The following THG1L variants were observed in gnomAD, a reference collection of about 807,000 sequenced individuals.
THG1L encodes tRNA-histidine guanylyltransferase 1 like.
A neutral mutation model predicts 35.2 loss-of-function variants in THG1L; 27 were observed. The observed-to-expected ratio is 0.77, with a 90% CI of 0.57 to 1.06. The LOEUF is 1.06. Among genes scored for constraint, THG1L ranks in the 50% least tolerant of loss-of-function variants. The pLI, the probability that THG1L is intolerant of heterozygous loss-of-function variation, is 0.00. For missense variants in THG1L, 377 were observed against 371.8 expected, an observed-to-expected ratio of 1.01 and a Z score of -0.12; for synonymous variants, 135 against 132.4, an observed-to-expected ratio of 1.02 and a Z score of -0.14.
chr5:157,732,116 C>G (rs374439462), intron 1 of THG1L, among the ~76,000 whole-genome samples: 1 of 148,170 alleles, frequency 6.7e-6, no homozygotes, highest in African/African-American at 2.5e-5. Context: ...AGGCTGGGCG[C>G]GGGAGGCAGG....
chr5:157,733,769 T>G (rs980232333), intron 2 of THG1L, among the ~76,000 whole-genome samples: 1 of 152,050 alleles, frequency 6.6e-6, no homozygotes, highest in Non-Finnish European at 1.5e-5. Context: ...CCCAGAGGTT[T>G]GAGACCAGCC....
intron 1 of THG1L, among the ~76,000 whole-genome samples, chr5:157,731,845 C>G (rs897504669): frequency 6.6e-6 from 1 of 152,190 alleles, no homozygotes; most frequent in Admixed American, 6.5e-5. Flanking sequence ...GCGATGTGCT[C>G]CCGTGATGAG....
Position 157,734,442 on chromosome 5 carries a change from A to G in THG1L, c.369-134A>G, listed in dbSNP as rs905190652. ...GTATTAAAATAGTGTTTCTTAGCCA[A>G]ATGCATTTTATCTCCTGGCTTTCTG... On this transcript the variant is annotated intron_variant, in intron 2 of 5. Transcript: ENST00000231198. 5.8e-6 allele frequency: 6 copies of G among 1,025,962 alleles called. No homozygotes were observed. The East Asian group carries it at 1.4e-4, about 25-fold the overall frequency. 63.6% of individuals were successfully genotyped at this position (1,025,962 alleles called of 1,614,324 possible).
At chr5:157,732,084 CAG>C (rs1323567450) in intron 1 of THG1L, among the ~76,000 whole-genome samples, 6 of 151,798 alleles carry the variant, frequency 4.0e-5, no homozygotes, top group East Asian at 3.9e-4. Flanking sequence ...CTAGATTCAA[CAG>C]AGAGTCAGAA....
rs372164394 is a variant in THG1L, at chr5:157,732,973, C to T, written c.297C>T (p.Ile99=). ...TVMEELEDIV[I]AYGQSDEYSF... is the part of the protein sequence containing the mutation. ...TGGAAGAACTAGAGGATATTGTGATCGCGTATGGACAGAGTGATGAGTACA... is the reference window on the plus strand; with the variant it reads ...TGGAAGAACTAGAGGATATTGTGATTGCGTATGGACAGAGTGATGAGTACA... The change falls in exon 2 of 6, where the codon ATC becomes ATT. Residue 99 remains isoleucine, a synonymous_variant. Coordinates refer to ENST00000231198, the MANE Select transcript of THG1L (RefSeq NM_017872.5). 86 of 1,614,034 alleles carry T rather than the reference C, an allele frequency of 5.3e-5. 2 individuals carry two copies. In the Middle Eastern group the frequency reaches 6.6e-4, roughly 12 times the overall value.
chr5:157,735,985 G>A, intron 4 of THG1L, 51 bp downstream of exon 4: 1 of 1,251,858 alleles, frequency 8.0e-7, no homozygotes, highest in Non-Finnish European at 1.1e-6. Context: ...TTCGCTGTAG[G>A]CTCTCCCATA....
At position 157,735,854 on chromosome 5, in the gene THG1L, A is replaced by G; in HGVS notation, c.547A>G (p.Asn183Asp). 3 of 1,599,496 alleles carry G rather than the reference A, an allele frequency of 1.9e-6. No homozygotes were observed. The highest frequency in any genetic ancestry group is 2.6e-6 in the Non-Finnish European group (3 of 1,173,266). ...LSWRQADCHI[N>D]NLYNTVFWAL... ...TTTTGTTCTCCTCACAGGTCACATC[A>G]ATAATCTTTATAATACAGTTTTCTG... Residue 183 changes from asparagine to aspartate, a missense_variant, in exon 4 of 6, where the codon AAT becomes GAT. Coordinates refer to ENST00000231198, the MANE Select transcript of THG1L (RefSeq NM_017872.5).
intron 1 of THG1L, 26 bp downstream of exon 1, chr5:157,731,657 G>C (rs1760722946): frequency 6.3e-7 from 1 of 1,575,200 alleles, no homozygotes; most frequent in Non-Finnish European, 8.6e-7. Context: ...TCGGGGCGTC[G>C]CGATGCGCCA....
intron 1 of THG1L, 21 bp downstream of exon 1, chr5:157,731,652 G>T (rs369355914): frequency 7.6e-5 from 120 of 1,576,466 alleles, no homozygotes; most frequent in Non-Finnish European, 1.0e-4. Context: ...TCGACTCGGG[G>T]CGTCGCGATG....
Position 157,736,251 on chromosome 5 carries a change from C to CTT in THG1L, c.627+332_627+333dup, listed in dbSNP as rs71577334. Reference sequence around the variant, plus strand: ...GTATGACTGCCGTCTTCAGCACTGACTTTTTTTTTTTTTTTTGAGACACAG... The same window carrying CTT: ...GTATGACTGCCGTCTTCAGCACTGACTTTTTTTTTTTTTTTTTTGAGACACAG... On this transcript the variant is annotated intron_variant, in intron 4 of 5. Coordinates refer to ENST00000231198, the MANE Select transcript of THG1L (RefSeq NM_017872.5). Among the ~76,000 whole-genome samples the CTT allele has an allele frequency of 2.2e-3, 318 of 141,418 alleles. 2 individuals are homozygous for CTT. Among genetic ancestry groups the CTT allele is most frequent in the African/African-American group, 6.8e-3 (260 of 38,462 alleles). The allele number at this position is 141,418 out of a possible 152,430, so 92.8% of individuals were successfully genotyped here.
rs1761039988 is a variant in THG1L at position 157,741,399 on chromosome 5, G to T, written c.*1917G>T. 6.6e-6 allele frequency: 1 copy of T among 152,044 alleles called. No homozygotes were observed. The highest frequency in any genetic ancestry group is 2.1e-4 in the South Asian group (1 of 4,832). The allele number at this position is 152,044 out of a possible 1,614,324, so 9.4% of individuals were successfully genotyped here. On this transcript the variant is annotated 3_prime_UTR_variant, in exon 6 of 6. Coordinates refer to ENST00000231198, the MANE Select transcript of THG1L (RefSeq NM_017872.5). ...AAAGAGGAGATACGGTTCTTGTTTG[G>T]TAATTGCTAAAATCTCTTTGAGGAA...
rs1171878546 is a variant in THG1L, at chr5:157,734,625, T to C, written c.418T>C (p.Tyr140His). ...CCAGTTTGCCTCCAGCTATGTGTTT[T>C]ATTGGCGGGATTACTTTGAGGACCA... is the stretch of plus-strand genomic sequence containing the variant. The part of the protein sequence containing the change: ...ASQFASSYVF[Y>H]WRDYFEDQPL... Residue 140 changes from tyrosine to histidine, a missense_variant, in exon 3 of 6, where the codon TAT becomes CAT. Transcript: ENST00000231198. The C allele has an allele frequency of 6.2e-7, 1 of 1,614,176 alleles. No individual in the cohort carries two copies. The highest frequency in any genetic ancestry group is 1.7e-5 in the Admixed American group (1 of 60,026).
In THG1L at chr5:157,735,997, C is replaced by CT. The variant is rs1018867963; in HGVS notation, c.627+72dup. 7.1e-4 allele frequency: 796 copies of CT among 1,117,368 alleles called. 1 individual carries two copies. Among genetic ancestry groups the CT allele is most frequent in the African/African-American group, 3.4e-3 (208 of 61,706 alleles). The allele number at this position is 1,117,368 out of a possible 1,614,324, so 69.2% of individuals were successfully genotyped here. ...CAGTTCGCTGTAGGCTCTCCCATAA[C>CT]TTTTTTTTTGTTAAATTTACATTTC... On this transcript the variant is annotated intron_variant, in intron 4 of 5. Transcript: ENST00000231198.
chr5:157,732,755 T>G, intron 1 of THG1L, 113 bp from the exon 2 acceptor site: 1 of 1,263,846 alleles, frequency 7.9e-7, no homozygotes, highest in Non-Finnish European at 1.1e-6. Context: ...AGCATTTGAG[T>G]TCACAGTGCT....
At chr5:157,739,226 T>C (rs1581443874) in intron 5 of THG1L, 95 bp from the exon 6 acceptor site, 1 of 1,204,904 alleles carries the variant, frequency 8.3e-7, no homozygotes. Flanking sequence ...GTCGGAAGTA[T>C]ATGAAGATAA....
intron 4 of THG1L, among the ~76,000 whole-genome samples, chr5:157,737,441 C>A (rs1194140946): frequency 6.6e-6 from 1 of 151,544 alleles, no homozygotes; most frequent in African/African-American, 2.4e-5. Flanking sequence ...TGAGATTGCA[C>A]CACTGCACTC....
chr5:157,736,502 G>A (rs1472314079), intron 4 of THG1L, among the ~76,000 whole-genome samples: 1 of 152,106 alleles, frequency 6.6e-6, no homozygotes, highest in Non-Finnish European at 1.5e-5. Context: ...TGCCTGCCTG[G>A]GCCTCCCAGA....
chr5:157,731,717 C>G (rs959920126), intron 1 of THG1L, 86 bp downstream of exon 1: 67 of 1,485,050 alleles, frequency 4.5e-5, no homozygotes, highest in African/African-American at 2.7e-4. Flanking sequence ...CCCGCCCGCT[C>G]CAGTCACGGT....
rs1275807339 is a variant in THG1L at position 157,734,689 on chromosome 5, TG to T, written c.484del (p.Val162CysfsTer8). 6.2e-7 allele frequency: 1 copy of T among 1,613,968 alleles called. No individual in the cohort carries two copies. The highest frequency in any genetic ancestry group is 8.5e-7 in the Non-Finnish European group (1 of 1,180,026). ...LYPPGFDGRV[V>X]VYPSNQTLKD... Reference sequence around the variant, plus strand: ...CCCCCAGGCTTTGACGGAAGAGTCGTGGTGTATCCCAGCAACCAGACTTTAA... The same window carrying T: ...CCCCCAGGCTTTGACGGAAGAGTCGTGTGTATCCCAGCAACCAGACTTTAA... On this transcript the variant is annotated frameshift_variant, in exon 3 of 6. Transcript: ENST00000231198. LOFTEE classifies it high-confidence loss of function.
Sources: gnomAD v4.1 joint callset for allele counts (sites outside exome capture counted in the v4.1 genomes callset) on GRCh38, gnomAD v4.1.1 for gene constraint, MANE v1.5 for transcripts, NCBI Gene and HGNC (gene_info 2026-07-23, HGNC 2026-07-21) for gene names.